CHST8: variants seen among roughly 807,000 people sequenced by gnomAD.
CHST8 encodes the protein carbohydrate sulfotransferase 8.
CHST8 carries 10 observed loss-of-function variants against 15.0 expected under a neutral mutation model. That is an observed-to-expected ratio of 0.67 (90% CI 0.41 to 1.13). The LOEUF (loss-of-function observed/expected upper bound fraction) is 1.13, where lower values mean the gene tolerates loss of function less well. CHST8 is among the 50% of genes most tolerant of loss of function. CHST8 has a pLI of 0.00. For missense variants in CHST8, 634 were observed against 608.2 expected (o/e 1.04, Z -0.45); for synonymous variants, 259 against 256.6 (o/e 1.01, Z -0.09).
chr19:33,669,137 A>G (rs1444337611), intron 2 of CHST8, among the ~76,000 whole-genome samples: 2 of 152,166 alleles, frequency 1.3e-5, no homozygotes, highest in African/African-American at 4.8e-5. Context: ...TTTGTGCTAA[A>G]CAAACCCACA....
chr19:33,750,765 A>G (rs1477226185), intron 3 of CHST8, among the ~76,000 whole-genome samples: 1 of 152,002 alleles, frequency 6.6e-6, no homozygotes, highest in Non-Finnish European at 1.5e-5. Context: ...GCCCACCCCC[A>G]ACGGAGGGAA....
At chr19:33,652,619 G>T (rs548913565) in intron 1 of CHST8, among the ~76,000 whole-genome samples, 3 of 151,842 alleles carry the variant, frequency 2.0e-5, no homozygotes, top group African/African-American at 7.3e-5. Flanking sequence ...CAGGGGATCC[G>T]CCCACCTCAG....
chr19:33,757,735 G>A (rs561054557), intron 3 of CHST8, among the ~76,000 whole-genome samples: 1 of 151,860 alleles, frequency 6.6e-6, no homozygotes, highest in East Asian at 1.9e-4. Flanking sequence ...TTTTTTAAGA[G>A]ATGGGATCTC....
Position 33,686,835 on chromosome 19 carries a change from C to T in CHST8, c.-86-2341C>T, listed in dbSNP as rs769305373. Among the ~76,000 whole-genome samples, 21 of 152,270 alleles carry T rather than the reference C, an allele frequency of 1.4e-4. No homozygotes were observed. The Middle Eastern group carries it at 0.01, about 74-fold the overall frequency. ...CGATGGTATGTGTGCAGGCACTGGC[C>T]GGCATGCACCCGGGCATGTATGCAT... On this transcript the variant is annotated intron_variant, in intron 2 of 4. Transcript: ENST00000650847.
intron 3 of CHST8, among the ~76,000 whole-genome samples, chr19:33,761,293 A>G (rs1240733896): frequency 6.6e-6 from 1 of 151,974 alleles, no homozygotes; most frequent in Non-Finnish European, 1.5e-5. Context: ...GCTTGAGGCC[A>G]GGAGTTGCTG....
At chr19:33,723,016 G>A (rs903661822) in intron 3 of CHST8, among the ~76,000 whole-genome samples, 5 of 152,192 alleles carry the variant, frequency 3.3e-5, no homozygotes, top group South Asian at 2.1e-4. Flanking sequence ...AGAAGACAAC[G>A]TCAGAGGCTC....
intron 3 of CHST8, among the ~76,000 whole-genome samples, chr19:33,723,907 G>A (rs1489407788): frequency 6.6e-6 from 1 of 152,196 alleles, no homozygotes; most frequent in Admixed American, 6.5e-5. Flanking sequence ...TCTGGTGTGG[G>A]TGGTGCCACC....
intron 3 of CHST8, among the ~76,000 whole-genome samples, chr19:33,741,598 G>T (rs954901481): frequency 6.6e-6 from 1 of 152,106 alleles, no homozygotes; most frequent in Non-Finnish European, 1.5e-5. Flanking sequence ...ATGGGATTCT[G>T]GTGGGACTTG....
At chr19:33,743,110 A>G (rs1182147262) in intron 3 of CHST8, among the ~76,000 whole-genome samples, 1 of 152,010 alleles carries the variant, frequency 6.6e-6, no homozygotes, top group Non-Finnish European at 1.5e-5. Context: ...TCTCTGTCCT[A>G]CAACACAACA....
chr19:33,657,782 G>C (rs1376454362), intron 1 of CHST8, among the ~76,000 whole-genome samples: 2 of 152,032 alleles, frequency 1.3e-5, no homozygotes, highest in East Asian at 1.9e-4. Flanking sequence ...TATTGCCCAG[G>C]CTGGTCTCAA....
intron 1 of CHST8, among the ~76,000 whole-genome samples, chr19:33,660,835 C>T (rs1411758167): frequency 4.6e-5 from 7 of 152,202 alleles, no homozygotes; most frequent in Non-Finnish European, 8.8e-5. Context: ...CCCTGCTTCA[C>T]AAGGAGCAGT....
At chr19:33,652,645 G>A (rs759890405) in intron 1 of CHST8, among the ~76,000 whole-genome samples, 1 of 151,732 alleles carries the variant, frequency 6.6e-6, no homozygotes, top group African/African-American at 2.4e-5. Context: ...CAAAGTGCTG[G>A]GATTACAGGC....
intron 3 of CHST8, among the ~76,000 whole-genome samples, chr19:33,709,333 G>A (rs1973505249): frequency 6.6e-6 from 1 of 152,104 alleles, no homozygotes; most frequent in Non-Finnish European, 1.5e-5. Context: ...TCACCAATAA[G>A]TATAATGGTT....
At chr19:33,729,320 C>G (rs1973955249) in intron 3 of CHST8, among the ~76,000 whole-genome samples, 1 of 152,232 alleles carries the variant, frequency 6.6e-6, no homozygotes, top group South Asian at 2.1e-4. Flanking sequence ...GGCCAGAGAA[C>G]TCCCTCAGTT....
chr19:33,726,848 C>A (rs1410663471), intron 3 of CHST8, among the ~76,000 whole-genome samples: 1 of 152,004 alleles, frequency 6.6e-6, no homozygotes, highest in African/African-American at 2.4e-5. Context: ...GGCAACCCAG[C>A]CCTCAGGGCC....
At chr19:33,625,275 G>A (rs1972036872) in intron 1 of CHST8, among the ~76,000 whole-genome samples, 1 of 148,658 alleles carries the variant, frequency 6.7e-6, no homozygotes, top group Admixed American at 6.7e-5. Context: ...TAGAGACAGG[G>A]TTTCACCATA....
intron 1 of CHST8, among the ~76,000 whole-genome samples, chr19:33,646,303 G>T (rs1972355857): frequency 6.6e-6 from 1 of 152,002 alleles, no homozygotes; most frequent in Admixed American, 6.6e-5. Flanking sequence ...AATTATAGGG[G>T]GTAGAAGTTA....
intron 1 of CHST8, among the ~76,000 whole-genome samples, chr19:33,664,969 T>C (rs1351589768): frequency 6.6e-6 from 1 of 152,248 alleles, no homozygotes; most frequent in Non-Finnish European, 1.5e-5. Context: ...ATTGTGTGTA[T>C]GTACCGTATT....
chr19:33,625,127 C>A (rs1462758694), intron 1 of CHST8, among the ~76,000 whole-genome samples: 1 of 151,850 alleles, frequency 6.6e-6, no homozygotes, highest in Non-Finnish European at 1.5e-5. Flanking sequence ...CTCTTGTTGC[C>A]CAGGCTAGAG....
Sources: gnomAD v4.1 joint callset for allele counts (sites outside exome capture counted in the v4.1 genomes callset) on GRCh38, gnomAD v4.1.1 for gene constraint, MANE v1.5 for transcripts, NCBI Gene and HGNC (gene_info 2026-07-23, HGNC 2026-07-21) for gene names.